The following FAM149B1 variants were observed in gnomAD, a reference collection of about 807,000 sequenced individuals.
FAM149B1 encodes the protein primary cilium assembly protein FAM149B1.
A neutral mutation model predicts 75.3 loss-of-function variants in FAM149B1; 56 were observed. That is an observed-to-expected ratio of 0.74 (90% confidence interval 0.60 to 0.93). FAM149B1 has a LOEUF of 0.93. Ranked by LOEUF, FAM149B1 falls within the 40% of genes least tolerant of loss-of-function variation. FAM149B1 has a pLI of 0.00. For missense variants in FAM149B1, 639 were observed against 708.4 expected, an observed-to-expected ratio of 0.90 and a Z score of 1.11; for synonymous variants, 259 against 256.1, an observed-to-expected ratio of 1.01 and a Z score of -0.11.
chr10:73,243,580 T>TA lies in FAM149B1; in HGVS notation c.*2561_*2562insA, dbSNP rs1439745502. ...TTATCCATAGACAGAAAGTACCTAG[T>TA]GGTTGCCAGGGGCTGGAAAAGTGGA... is the stretch of plus-strand genomic sequence containing the variant. On this transcript the variant is annotated 3_prime_UTR_variant, in exon 14 of 14. Coordinates refer to ENST00000242505, the MANE Select transcript of FAM149B1 (RefSeq NM_173348.2). The TA allele has an allele frequency of 6.3e-7, 1 of 1,598,662 alleles. No homozygotes were observed. Among genetic ancestry groups the TA allele is most frequent in the Non-Finnish European group, 8.5e-7 (1 of 1,172,994 alleles).
chr10:73,173,700 G>A (rs1843818623), intron 1 of FAM149B1, among the ~76,000 whole-genome samples: 1 of 152,104 alleles, frequency 6.6e-6, no homozygotes, highest in Non-Finnish European at 1.5e-5. Flanking sequence ...CAATAACATA[G>A]TCAACACAAA....
At position 73,217,838 on chromosome 10, in the gene FAM149B1, T is replaced by G. The variant is rs538610381; in HGVS notation, c.898+7400T>G. Among the ~76,000 whole-genome samples the G allele has an allele frequency of 5.3e-5, 8 of 152,300 alleles. No individual in the cohort carries two copies. The South Asian group carries it at 1.5e-3, about 28-fold the overall frequency. ...CATGCATGGGCCACCTTAGAGTCTG[T>G]CTACTACATGCCCCAATGATTCATG... On this transcript the variant is annotated intron_variant, in intron 7 of 13. Coordinates refer to ENST00000242505, the MANE Select transcript of FAM149B1 (RefSeq NM_173348.2).
intron 1 of FAM149B1, 37 bp downstream of exon 1, chr10:73,168,423 C>T: frequency 1.3e-6 from 2 of 1,547,412 alleles, no homozygotes; most frequent in Admixed American, 2.0e-5. Context: ...CCGGGGCGGG[C>T]GGCGGGCGCT....
chr10:73,180,447 A>C lies in FAM149B1; in HGVS notation c.282+2472A>C, dbSNP rs1188379699. Reference sequence around the variant, plus strand: ...CAAAGAATTTAAATTGTATTCTAATAATTAGATGCCTCATCAGGAAGATTT... The same window carrying C: ...CAAAGAATTTAAATTGTATTCTAATCATTAGATGCCTCATCAGGAAGATTT... On this transcript the variant is annotated intron_variant, in intron 3 of 13. Transcript: ENST00000242505. Among the ~76,000 whole-genome samples the C allele has an allele frequency of 2.6e-5, 4 of 152,366 alleles. No individual in the cohort carries two copies. In the East Asian group the frequency reaches 7.7e-4, roughly 29 times the overall value.
chr10:73,179,961 G>A (rs908068606), intron 3 of FAM149B1, among the ~76,000 whole-genome samples: 4 of 151,138 alleles, frequency 2.6e-5, no homozygotes, highest in African/African-American at 4.9e-5. Context: ...CGTTTTTTTC[G>A]TTCATTCCAC....
At chr10:73,176,674 T>C (rs2133302042) in intron 2 of FAM149B1, among the ~76,000 whole-genome samples, 1 of 152,146 alleles carries the variant, frequency 6.6e-6, no homozygotes, top group Non-Finnish European at 1.5e-5. Flanking sequence ...TCACTTGAGC[T>C]CAGGAGTTCA....
chr10:73,200,653 C>T (rs1200504508), intron 5 of FAM149B1: 2 of 552,890 alleles, frequency 3.6e-6, no homozygotes, highest in South Asian at 3.6e-5. Context: ...TGCTTTCTGC[C>T]ATGATGCCAA....
intron 10 of FAM149B1, 55 bp downstream of exon 10, chr10:73,233,218 A>C: frequency 8.4e-7 from 1 of 1,192,712 alleles, no homozygotes; most frequent in Non-Finnish European, 1.2e-6. Flanking sequence ...CACATTTTAC[A>C]TACAGAATTA....
At chr10:73,230,719 G>A in intron 9 of FAM149B1, 194 bp downstream of exon 9, 2 of 503,166 alleles carry the variant, frequency 4.0e-6, no homozygotes, top group Non-Finnish European at 7.3e-6. Flanking sequence ...GACATACGTG[G>A]GTAAAAAAAG....
At chr10:73,207,543 G>A (rs899038139) in intron 5 of FAM149B1, among the ~76,000 whole-genome samples, 5 of 151,520 alleles carry the variant, frequency 3.3e-5, no homozygotes, top group African/African-American at 9.7e-5. Flanking sequence ...CAGCCTGGGC[G>A]ACAGAACGAG....
chr10:73,221,534 G>T (rs6480684), intron 7 of FAM149B1, among the ~76,000 whole-genome samples: 23,231 of 151,806 alleles, frequency 0.15, 2,899 homozygotes, highest in African/African-American at 0.32. Context: ...TTTGTTCCTT[G>T]GTGCATGTAT....
chr10:73,202,533 A>G lies in FAM149B1; in HGVS notation c.543-6086A>G, dbSNP rs572935652. Among the ~76,000 whole-genome samples, 5 of 152,042 alleles carry G rather than the reference A, an allele frequency of 3.3e-5. No homozygotes were observed. The South Asian group carries it at 1.0e-3, about 32-fold the overall frequency. On this transcript the variant is annotated intron_variant, in intron 5 of 13. Transcript: ENST00000242505. ...CTGCAACCTCTGCCTCCCAGGTTCA[A>G]GGGATTCTCCTTCCTCAGCCTCCCA...
chr10:73,198,783 C>T (rs1428248053), intron 5 of FAM149B1, among the ~76,000 whole-genome samples: 4 of 152,066 alleles, frequency 2.6e-5, no homozygotes, highest in Admixed American at 6.6e-5. Context: ...CCAGCCTGGG[C>T]GGCAAGAGTG....
chr10:73,228,151 A>G lies in FAM149B1; in HGVS notation c.990A>G (p.Pro330=). ...ATCCTTTGGTGTTACCGCGAGTGCC[A>G]CAGTCTAAGGTGCTGTACATTACCT... ...ELHPLVLPRV[P]QSKVLYITSN... The change falls in exon 8 of 14, where the codon CCA becomes CCG. Residue 330 remains proline (P), a synonymous_variant. Transcript: ENST00000242505. The G allele has an allele frequency of 1.3e-6, 2 of 1,551,596 alleles. No individual in the cohort carries two copies. Among genetic ancestry groups the G allele is most frequent in the African/African-American group, 2.7e-5 (2 of 73,108 alleles).
At chr10:73,209,320 T>C (rs11000550) in intron 6 of FAM149B1, among the ~76,000 whole-genome samples, 23,392 of 151,986 alleles carry the variant, frequency 0.15, 2,958 homozygotes, top group African/African-American at 0.32. Flanking sequence ...TGGTGATGCG[T>C]GCCTCTAATG....
At chr10:73,195,954 A>G (rs1449407482) in intron 5 of FAM149B1, among the ~76,000 whole-genome samples, 1 of 152,220 alleles carries the variant, frequency 6.6e-6, no homozygotes, top group African/African-American at 2.4e-5. Flanking sequence ...TAATGTAACA[A>G]CTACTTTGTT....
intron 2 of FAM149B1, among the ~76,000 whole-genome samples, chr10:73,176,433 G>C (rs1345850907): frequency 6.6e-6 from 1 of 152,196 alleles, no homozygotes; most frequent in East Asian, 1.9e-4. Context: ...ATATTAATGA[G>C]ATAATGTATG....
chr10:73,217,728 C>A (rs1047264779), intron 7 of FAM149B1, among the ~76,000 whole-genome samples: 1 of 152,182 alleles, frequency 6.6e-6, no homozygotes, highest in African/African-American at 2.4e-5. Flanking sequence ...TTACCATTAT[C>A]TATTGGTCTG....
At chr10:73,231,914 T>G (rs1240488324) in intron 9 of FAM149B1, among the ~76,000 whole-genome samples, 1 of 145,494 alleles carries the variant, frequency 6.9e-6, no homozygotes, top group East Asian at 2.1e-4. Context: ...TAGAAAGCAG[T>G]TAGGGTGTGT....
Sources: allele counts gnomAD v4.1 joint callset (sites outside exome capture counted in the v4.1 genomes callset), GRCh38; gene constraint gnomAD v4.1.1; transcripts MANE v1.5; gene names NCBI Gene and HGNC (gene_info 2026-07-23, HGNC 2026-07-21).